The following NAALADL2 variants were observed in gnomAD, a reference collection of about 807,000 sequenced individuals.
The protein encoded by NAALADL2 is inactive N-acetylated-alpha-linked acidic dipeptidase-like protein 2.
Under a neutral mutation model 87.2 loss-of-function variants are expected in NAALADL2, and 76 were observed. The ratio of observed to expected loss-of-function variants is 0.87; its 90% CI spans 0.72 to 1.05. NAALADL2 has a LOEUF of 1.05. Among genes scored for constraint, NAALADL2 ranks in the 50% least tolerant of loss-of-function variants. The pLI is 0.00. For missense variants in NAALADL2, 1,089 were observed against 945.8 expected (o/e 1.15, Z -1.99); for synonymous variants, 354 against 331.0 (o/e 1.07, Z -0.75).
chr3:175,642,657 C>A (rs1221992643), intron 11 of NAALADL2, among the ~76,000 whole-genome samples: 2 of 152,122 alleles, frequency 1.3e-5, no homozygotes, highest in Non-Finnish European at 2.9e-5. Flanking sequence ...CCCGCCACCA[C>A]GCCCAGCTAA....
chr3:174,903,065 T>TC (rs1424658492), intron 1 of NAALADL2, among the ~76,000 whole-genome samples: 4 of 151,842 alleles, frequency 2.6e-5, no homozygotes, highest in South Asian at 2.1e-4. Flanking sequence ...TCTCAAGTTT[T>TC]CCCCCCCAAA....
At chr3:174,882,661 GCATATACA>G (rs1560318932) in intron 1 of NAALADL2, among the ~76,000 whole-genome samples, 1 of 144,280 alleles carries the variant, frequency 6.9e-6, no homozygotes, top group African/African-American at 2.6e-5. Context: ...ACACATATGT[GCATATACA>G]CATATGTGTA....
intron 4 of NAALADL2, among the ~76,000 whole-genome samples, chr3:175,309,997 A>G (rs1267151369): frequency 6.6e-6 from 1 of 152,198 alleles, no homozygotes; most frequent in Admixed American, 6.5e-5. Flanking sequence ...CTGGCAGGCC[A>G]AACAACAGAA....
chr3:174,701,982 T>C (rs1024118306), intron 2 of NAALADL2, among the ~76,000 whole-genome samples: 1 of 152,198 alleles, frequency 6.6e-6, no homozygotes, highest in African/African-American at 2.4e-5. Flanking sequence ...GATTATTACT[T>C]TTTAAGAAAC....
chr3:175,385,653 G>T (rs183922822), intron 5 of NAALADL2, among the ~76,000 whole-genome samples: 1 of 152,132 alleles, frequency 6.6e-6, no homozygotes, highest in East Asian at 1.9e-4. Flanking sequence ...ATAAAGAAAA[G>T]ATAAATATTT....
At chr3:174,719,039 C>T (rs1731463801) in intron 2 of NAALADL2, among the ~76,000 whole-genome samples, 1 of 152,152 alleles carries the variant, frequency 6.6e-6, no homozygotes, top group Non-Finnish European at 1.5e-5. Flanking sequence ...CTGATGTTAT[C>T]ACTCCATAGA....
At chr3:175,703,884 G>C (rs772145333) in intron 11 of NAALADL2, among the ~76,000 whole-genome samples, 1 of 151,866 alleles carries the variant, frequency 6.6e-6, no homozygotes, top group African/African-American at 2.4e-5. Flanking sequence ...AAATGCATTC[G>C]TTCATATTGA....
intron 9 of NAALADL2, among the ~76,000 whole-genome samples, chr3:175,567,329 C>T (rs1468209502): frequency 6.6e-6 from 1 of 151,816 alleles, no homozygotes; most frequent in East Asian, 1.9e-4. Flanking sequence ...GAAGAAAACA[C>T]CAGCTAGAAG....
chr3:175,427,640 G>A (rs1717043898), intron 5 of NAALADL2, among the ~76,000 whole-genome samples: 1 of 152,104 alleles, frequency 6.6e-6, no homozygotes, highest in Non-Finnish European at 1.5e-5. Flanking sequence ...GTTTCTCTCT[G>A]AATAGCCATC....
At chr3:174,733,662 C>T (rs1166191941) in intron 2 of NAALADL2, among the ~76,000 whole-genome samples, 3 of 152,168 alleles carry the variant, frequency 2.0e-5, no homozygotes, top group Non-Finnish European at 4.4e-5. Flanking sequence ...CTGCTGCTTG[C>T]CACGCAGAAA....
intron 11 of NAALADL2, among the ~76,000 whole-genome samples, chr3:175,689,396 G>GATATATATATA (rs1319341122): frequency 6.6e-6 from 1 of 152,044 alleles, no homozygotes; most frequent in Non-Finnish European, 1.5e-5. Context: ...GATAAGCTAG[G>GATATATATATA]AAGCTTCAAC....
chr3:175,648,922 A>G (rs1730384836), intron 11 of NAALADL2, among the ~76,000 whole-genome samples: 1 of 152,202 alleles, frequency 6.6e-6, no homozygotes. Flanking sequence ...TAGACTAGTT[A>G]CAAGTATTTA....
rs114706612 is a variant in NAALADL2 at position 175,795,399 on chromosome 3, C to T, written c.2190-7606C>T. On this transcript the variant is annotated intron_variant, in intron 13 of 13. Transcript: ENST00000454872. ...ATCCATATTGTACTCTGTCAATGGG[C>T]GCGATGGCTCATGCCTGTAATCCCA... Among the ~76,000 whole-genome samples, 980 of 151,886 alleles carry T rather than the reference C, an allele frequency of 6.5e-3. 14 individuals carry two copies. The highest frequency in any genetic ancestry group is 0.022 in the African/African-American group (922 of 41,430).
intron 13 of NAALADL2, among the ~76,000 whole-genome samples, chr3:175,802,716 TTTTC>T (rs1754327923): frequency 6.8e-6 from 1 of 147,548 alleles, no homozygotes; most frequent in Non-Finnish European, 1.5e-5. Context: ...TCAGATACAA[TTTTC>T]TTTTTCTATC....
rs187685786 is a variant in NAALADL2 at position 175,509,401 on chromosome 3, T to C, written c.1653+37643T>C. 4.5e-3 allele frequency among the ~76,000 whole-genome samples: 678 copies of C among 152,272 alleles called. 7 individuals carry two copies. Among genetic ancestry groups the C allele is most frequent in the African/African-American group, 0.016 (654 of 41,538 alleles). ...AGTGATTCCAACGTGAACATCTCTCTTATTCTTCCTCTCTTGGGGATATGT... is the reference window on the plus strand; with the variant it reads ...AGTGATTCCAACGTGAACATCTCTCCTATTCTTCCTCTCTTGGGGATATGT... On this transcript the variant is annotated intron_variant, in intron 9 of 13. Transcript: ENST00000454872.
intron 2 of NAALADL2, among the ~76,000 whole-genome samples, chr3:175,137,252 T>A (rs866503415): frequency 4.4e-4 from 67 of 152,282 alleles, no homozygotes; most frequent in African/African-American, 1.6e-3. Context: ...CATTGATTGA[T>A]ATGTTTCCTT....
intron 5 of NAALADL2, among the ~76,000 whole-genome samples, chr3:175,423,224 C>CT (rs537789903): frequency 1.1e-3 from 131 of 122,098 alleles, no homozygotes; most frequent in Non-Finnish European, 1.6e-3. Context: ...TTTTTTTTTT[C>CT]TTTTTTTTTT....
chr3:174,987,794 TTATATATATATATATAATTA>T (rs1316695673), intron 1 of NAALADL2, among the ~76,000 whole-genome samples: 4 of 126,054 alleles, frequency 3.2e-5, no homozygotes, highest in Admixed American at 1.5e-4. Context: ...ACCTGGTTAA[TTATATATATATATATAATTA>T]TATATATATA....
At chr3:175,086,618 C>T (rs1470320386) in intron 1 of NAALADL2, among the ~76,000 whole-genome samples, 2 of 151,938 alleles carry the variant, frequency 1.3e-5, no homozygotes, top group Non-Finnish European at 2.9e-5. Flanking sequence ...ATTTTCATGC[C>T]TTTTGCCTGA....
Sources: allele counts gnomAD v4.1 joint callset (sites outside exome capture counted in the v4.1 genomes callset), GRCh38; gene constraint gnomAD v4.1.1; transcripts MANE v1.5; gene names NCBI Gene and HGNC (gene_info 2026-07-23, HGNC 2026-07-21).